PALS1: variants seen among roughly 807,000 people sequenced by gnomAD.
The protein encoded by PALS1 is protein associated with LIN7 1, MAGUK p55 family member.
PALS1 carries 31 observed loss-of-function variants against 78.9 expected under a neutral mutation model. The observed-to-expected ratio is 0.39, with a 90% CI of 0.30 to 0.53. The LOEUF is 0.53. Among genes scored for constraint, PALS1 ranks in the 20% least tolerant of loss-of-function variants. PALS1 has a pLI of 0.67. For missense variants in PALS1, 704 were observed against 826.5 expected, an observed-to-expected ratio of 0.85 and a Z score of 1.82; for synonymous variants, 276 against 270.9, an observed-to-expected ratio of 1.02 and a Z score of -0.18.
At chr14:67,292,250 C>G (rs2084783091) in intron 3 of PALS1, among the ~76,000 whole-genome samples, 1 of 152,060 alleles carries the variant, frequency 6.6e-6, no homozygotes, top group African/African-American at 2.4e-5. Flanking sequence ...CATTCCTCCC[C>G]TCACTTGTTT....
At chr14:67,293,649 A>T (rs1054313404) in intron 4 of PALS1, among the ~76,000 whole-genome samples, 13 of 152,172 alleles carry the variant, frequency 8.5e-5, no homozygotes, top group Admixed American at 8.5e-4. Flanking sequence ...TTGATCTTAT[A>T]CTATTCACAC....
intron 1 of PALS1, among the ~76,000 whole-genome samples, chr14:67,269,027 C>T (rs375860463): frequency 1.2e-4 from 18 of 152,220 alleles, no homozygotes; most frequent in African/African-American, 3.9e-4. Flanking sequence ...CATAATTCTC[C>T]CACCCATTCA....
At position 67,321,047 on chromosome 14, in the gene PALS1, GT is replaced by G. The variant is rs1422783744; in HGVS notation, c.1538-7del. 6.2e-7 allele frequency: 1 copy of G among 1,613,508 alleles called. No individual in the cohort carries two copies. On this transcript the variant is annotated splice_polypyrimidine_tract_variant and intron_variant, in intron 12 of 14. Coordinates refer to ENST00000261681, the MANE Select transcript of PALS1 (RefSeq NM_022474.4). Reference sequence around the variant, plus strand: ...ATGCCTGTTATTTCTATCTGATTTTGTTTGCCTAGATACAACCCGGAGTAGG... The same window carrying G: ...ATGCCTGTTATTTCTATCTGATTTTGTTGCCTAGATACAACCCGGAGTAGG...
Position 67,302,512 on chromosome 14 carries a change from C to A in PALS1, c.904C>A (p.Leu302Ile). 6.3e-7 allele frequency: 1 copy of A among 1,591,844 alleles called. No individual in the cohort carries two copies. The highest frequency in any genetic ancestry group is 8.5e-7 in the Non-Finnish European group (1 of 1,169,830). The change falls in exon 7 of 15, where the codon CTA (leucine) becomes ATA (isoleucine). Residue 302 changes from leucine to isoleucine, a missense_variant. Physicochemically the swap from Leu to Ile is conservative, Grantham distance 5 (BLOSUM62 2). Transcript: ENST00000261681. ...TCTGTTGCATGAAGGAGATGAAGTT[C>A]TAGAGATTAATGGCATTGAAATTCG... ...SGLLHEGDEVLEINGIEIRGK... is the reference protein window; with the variant it reads ...SGLLHEGDEVIEINGIEIRGK...
chr14:67,331,277 C>G (rs1343638734), intron 14 of PALS1, among the ~76,000 whole-genome samples: 1 of 152,132 alleles, frequency 6.6e-6, no homozygotes, highest in East Asian at 1.9e-4. Flanking sequence ...GCTCCCGGCC[C>G]CATGTGATCC....
intron 1 of PALS1, among the ~76,000 whole-genome samples, chr14:67,260,322 G>A (rs568794868): frequency 2.0e-5 from 3 of 152,332 alleles, no homozygotes; most frequent in Non-Finnish European, 4.4e-5. Flanking sequence ...GAGGACATTC[G>A]TGGTAAGAAG....
chr14:67,300,698 C>T (rs1374180146), intron 4 of PALS1, among the ~76,000 whole-genome samples: 2 of 151,982 alleles, frequency 1.3e-5, no homozygotes, highest in African/African-American at 4.8e-5. Flanking sequence ...GATAAGGAAA[C>T]AGGCTAAAAA....
chr14:67,301,937 T>G lies in PALS1; in HGVS notation c.655-35T>G, dbSNP rs778275568. 4.3e-5 allele frequency: 67 copies of G among 1,573,698 alleles called. 2 individuals carry two copies. In the South Asian group the frequency reaches 7.6e-4, roughly 18 times the overall value. ...ATCACTCTGCAGAAATAAATCATGC[T>G]GTTACTTAAAATGCCATGGATTTCT... On this transcript the variant is annotated intron_variant, in intron 5 of 14. Coordinates refer to ENST00000261681, the MANE Select transcript of PALS1 (RefSeq NM_022474.4).
intron 8 of PALS1, among the ~76,000 whole-genome samples, chr14:67,307,679 C>G (rs902925361): frequency 2.0e-5 from 3 of 152,034 alleles, no homozygotes; most frequent in Admixed American, 2.0e-4. Flanking sequence ...TAAAAACTTG[C>G]TTGGTGCTAT....
In PALS1 at chr14:67,279,529, A is replaced by G. The variant is rs1335653107; in HGVS notation, c.359A>G (p.Lys120Arg). The G allele has an allele frequency of 6.5e-7, 1 of 1,528,878 alleles. No individual in the cohort carries two copies. The highest frequency in any genetic ancestry group is 1.4e-5 in the African/African-American group (1 of 72,028). 94.7% of individuals were successfully genotyped at this position (1,528,878 alleles called of 1,614,324 possible). A position where few individuals can be genotyped will look rare whatever the true frequency, so the allele number is the denominator to read the frequency against. ...IVLESPHYAV[K>R]ILEIEDLFSS... is the part of the protein sequence containing the mutation. ...TTAGAAAGTCCTCATTATGCTGTGA[A>G]AATATTAGGTAAGTAAAAATAGAGG... Residue 120 changes from lysine to arginine, a missense_variant, in exon 3 of 15, where the codon AAA (lysine) becomes AGA (arginine). Physicochemically the swap from Lys to Arg is conservative, Grantham distance 26. Transcript: ENST00000261681.
intron 9 of PALS1, among the ~76,000 whole-genome samples, chr14:67,313,164 T>C (rs1156945283): frequency 6.6e-6 from 1 of 152,196 alleles, no homozygotes; most frequent in African/African-American, 2.4e-5. Context: ...AATTTTTTAT[T>C]GATGAAACTA....
At chr14:67,292,408 G>C (rs993692682) in intron 3 of PALS1, 103 bp from the exon 4 acceptor site, 11 of 781,300 alleles carry the variant, frequency 1.4e-5, no homozygotes, top group Non-Finnish European at 2.2e-5. Flanking sequence ...GTATTTTTCT[G>C]AAAACTTAAA....
Position 67,333,756 on chromosome 14 carries a change from T to C in PALS1, c.*800T>C, listed in dbSNP as rs888197064. On this transcript the variant is annotated 3_prime_UTR_variant, in exon 15 of 15. Transcript: ENST00000261681. ...CTTCCCTTCCCTCATCAGCATAGTA[T>C]AATAGAATGTATGTTACATTTTTAT... 1 of 152,600 alleles carries C rather than the reference T, an allele frequency of 6.6e-6. No homozygotes were observed. The highest frequency in any genetic ancestry group is 1.5e-5 in the Non-Finnish European group (1 of 68,018). The allele number at this position is 152,600 out of a possible 1,614,324, so 9.5% of individuals were successfully genotyped here. A position where few individuals can be genotyped will look rare whatever the true frequency, so the allele number is the denominator to read the frequency against.
In PALS1 at chr14:67,320,348, T is replaced by C. The variant is rs1375135714; in HGVS notation, c.1488T>C (p.Arg496=). The change falls in exon 12 of 15, where the codon CGT becomes CGC. Residue 496 remains arginine, a synonymous_variant. Transcript: ENST00000261681. ...GPQNCGQNEL[R]QRLMNKEKDR... is the part of the protein sequence containing the mutation. ...AGAACTGTGGCCAGAATGAATTGCG[T>C]CAGAGGCTCATGAACAAAGAAAAGG... The C allele has an allele frequency of 1.2e-6, 2 of 1,612,906 alleles. No homozygotes were observed. Among genetic ancestry groups the C allele is most frequent in the East Asian group, 2.2e-5 (1 of 44,812 alleles).
In PALS1 at chr14:67,302,488, C is replaced by T. The variant is rs1332453169; in HGVS notation, c.880C>T (p.Leu294=). ...VKGGAAEKSG[L]LHEGDEVLEI... is the part of the protein sequence containing the mutation. ...AGGGGGTGCTGCAGAGAAAAGTGGT[C>T]TGTTGCATGAAGGAGATGAAGTTCT... The change falls in exon 7 of 15, where the codon CTG becomes TTG. Residue 294 remains leucine, a synonymous_variant. Transcript: ENST00000261681. 2 of 1,598,550 alleles carry T rather than the reference C, an allele frequency of 1.3e-6. No homozygotes were observed. Among genetic ancestry groups the T allele is most frequent in the African/African-American group, 2.7e-5 (2 of 74,040 alleles).
chr14:67,296,417 G>A (rs577526484), intron 4 of PALS1, among the ~76,000 whole-genome samples: 300 of 151,942 alleles, frequency 2.0e-3, no homozygotes, highest in African/African-American at 7.1e-3. Flanking sequence ...TGGCTAACAT[G>A]GTGAAATGCT....
At position 67,300,884 on chromosome 14, in the gene PALS1, G is replaced by A. The variant is rs112248402; in HGVS notation, c.577-505G>A. 9.7e-4 allele frequency among the ~76,000 whole-genome samples: 147 copies of A among 150,820 alleles called. 2 individuals are homozygous for A. Among genetic ancestry groups the A allele is most frequent in the African/African-American group, 3.5e-3 (143 of 41,092 alleles). On this transcript the variant is annotated intron_variant, in intron 4 of 14. Transcript: ENST00000261681. ...AAAAAATTTATAAAATAGAGACAGGGTCTCACTGTGTTGCCCAGGCTGGTC... is the reference window on the plus strand; with the variant it reads ...AAAAAATTTATAAAATAGAGACAGGATCTCACTGTGTTGCCCAGGCTGGTC...
At chr14:67,317,906 C>T (rs993250815) in intron 11 of PALS1, among the ~76,000 whole-genome samples, 10 of 152,146 alleles carry the variant, frequency 6.6e-5, no homozygotes, top group Admixed American at 5.2e-4. Context: ...TTAAAAAGCT[C>T]GAAAGTTGTA....
Position 67,323,615 on chromosome 14 carries a change from AATATATATAT to A in PALS1, c.1741-74_1741-65del, listed in dbSNP as rs150511527. ...GGCAACAGAGCAAGTCCCTTAATCT[AATATATATAT>A]ATATATATATATCAGTATTATTAGG... On this transcript the variant is annotated intron_variant, in intron 13 of 14. Coordinates refer to ENST00000261681, the MANE Select transcript of PALS1 (RefSeq NM_022474.4). The A allele has an allele frequency of 5.0e-5, 13 of 258,784 alleles. 1 individual carries two copies. The highest frequency in any genetic ancestry group is 8.4e-5 in the Non-Finnish European group (12 of 143,534). The allele number at this position is 258,784 out of a possible 1,614,324, so 16.0% of individuals were successfully genotyped here. A position where few individuals can be genotyped will look rare whatever the true frequency, so the allele number is the denominator to read the frequency against.
Sources: allele counts gnomAD v4.1 joint callset (sites outside exome capture counted in the v4.1 genomes callset), GRCh38; gene constraint gnomAD v4.1.1; transcripts MANE v1.5; gene names NCBI Gene and HGNC (gene_info 2026-07-23, HGNC 2026-07-21).